ZNF345: variants seen among roughly 807,000 people sequenced by gnomAD.
ZNF345 encodes the protein zinc finger protein HZF10.
For synonymous variants in ZNF345, 166 were observed against 187.9 expected (o/e 0.88, Z 0.95); for missense variants, 527 against 589.9 (o/e 0.89, Z 1.10).
Position 36,858,597 on chromosome 19 carries a change from T to C in ZNF345, c.-47+6693T>C, listed in dbSNP as rs186677739. On this transcript the variant is annotated intron_variant, in intron 2 of 2. Transcript: ENST00000420450. ...GCCTGGCCAACATGGTGAAACCCCG[T>C]CTCTACCAAAAATAGAAAAATTAGC... 2.2e-3 allele frequency among the ~76,000 whole-genome samples: 331 copies of C among 152,034 alleles called. 2 individuals carry two copies. The highest frequency in any genetic ancestry group is 7.8e-3 in the African/African-American group (322 of 41,476).
chr19:36,873,353 A>AT (rs2072808348), intron 2 of ZNF345, among the ~76,000 whole-genome samples: 1 of 151,898 alleles, frequency 6.6e-6, no homozygotes, highest in Non-Finnish European at 1.5e-5. Context: ...ATATTTGCCT[A>AT]TTTTTTGTTT....
chr19:36,852,107 T>C (rs2072281706), intron 2 of ZNF345, among the ~76,000 whole-genome samples: 1 of 149,808 alleles, frequency 6.7e-6, no homozygotes, highest in Non-Finnish European at 1.5e-5. Flanking sequence ...ATTTTTCTTT[T>C]TCTTTTTTTT....
At position 36,871,433 on chromosome 19, in the gene ZNF345, T is replaced by A. The variant is rs577050898; in HGVS notation, c.-46-5352T>A. On this transcript the variant is annotated intron_variant, in intron 2 of 2. Coordinates refer to ENST00000420450, the MANE Select transcript of ZNF345 (RefSeq NM_001242472.2). ...TATTAATACACACACATACACTTTT[T>A]TTTGTGAGTCATTTGAAAATATGTT... 2.0e-5 allele frequency among the ~76,000 whole-genome samples: 3 copies of A among 152,340 alleles called. No homozygotes were observed. The East Asian group carries it at 5.8e-4, about 29-fold the overall frequency.
At chr19:36,859,151 GT>G (rs200899490) in intron 2 of ZNF345, among the ~76,000 whole-genome samples, 24 of 147,528 alleles carry the variant, frequency 1.6e-4, no homozygotes, top group Middle Eastern at 3.5e-3. Flanking sequence ...CTTTTTTATG[GT>G]TTTTTTTTTG....
At position 36,877,127 on chromosome 19, in the gene ZNF345, T is replaced by G; in HGVS notation, c.297T>G (p.Phe99Leu). Reference protein sequence around the residue: ...PYECKECGKAFGSGANLAYHQ... With the variant: ...PYECKECGKALGSGANLAYHQ... Reference sequence around the variant, plus strand: ...AATGCAAAGAATGTGGCAAGGCCTTTGGTAGTGGTGCAAACCTTGCTTACC... The same window carrying G: ...AATGCAAAGAATGTGGCAAGGCCTTGGGTAGTGGTGCAAACCTTGCTTACC... Residue 99 changes from phenylalanine to leucine, a missense_variant, in exon 3 of 3, where the codon TTT becomes TTG. By Grantham distance (22) the Phe-to-Leu change is conservative. Coordinates refer to ENST00000420450, the MANE Select transcript of ZNF345 (RefSeq NM_001242472.2). 1 of 1,614,128 alleles carries G rather than the reference T, an allele frequency of 6.2e-7. No individual in the cohort carries two copies. The highest frequency in any genetic ancestry group is 8.5e-7 in the Non-Finnish European group (1 of 1,180,012).
chr19:36,866,092 T>C (rs1184505571), intron 2 of ZNF345, among the ~76,000 whole-genome samples: 1 of 152,214 alleles, frequency 6.6e-6, no homozygotes, highest in Non-Finnish European at 1.5e-5. Context: ...TGTGTGTTCA[T>C]AAATTATATT....
intron 2 of ZNF345, among the ~76,000 whole-genome samples, chr19:36,860,238 T>C (rs1248230386): frequency 6.6e-6 from 1 of 152,200 alleles, no homozygotes; most frequent in South Asian, 2.1e-4. Flanking sequence ...ATTACAGGCA[T>C]GAGCCACCGC....
At chr19:36,861,681 C>A (rs2072550185) in intron 2 of ZNF345, among the ~76,000 whole-genome samples, 1 of 151,882 alleles carries the variant, frequency 6.6e-6, no homozygotes, top group Non-Finnish European at 1.5e-5. Flanking sequence ...TTGCCTGAGC[C>A]TCCCAAGTAG....
At chr19:36,861,445 C>G (rs2072544878) in intron 2 of ZNF345, among the ~76,000 whole-genome samples, 1 of 152,174 alleles carries the variant, frequency 6.6e-6, no homozygotes, top group South Asian at 2.1e-4. Context: ...CGAATTTGTT[C>G]AAGTCTAGAA....
chr19:36,858,250 TG>T (rs1267966408), intron 2 of ZNF345: 3 of 152,936 alleles, frequency 2.0e-5, no homozygotes, highest in Admixed American at 1.3e-4. Context: ...AGCAAAGCAG[TG>T]AGAATGGAGA....
chr19:36,859,026 T>C (rs2072485893), intron 2 of ZNF345, among the ~76,000 whole-genome samples: 1 of 151,962 alleles, frequency 6.6e-6, no homozygotes, highest in South Asian at 2.1e-4. Context: ...AGTGGTGTCT[T>C]GTGGGAGAGA....
At chr19:36,881,065 T>A (rs939507842), downstream of ZNF345, among the ~76,000 whole-genome samples, 2 of 152,172 alleles carry the variant, frequency 1.3e-5, no homozygotes, top group African/African-American at 4.8e-5. Flanking sequence ...CCTAATGTTT[T>A]GAAAACAAAA....
In ZNF345 at chr19:36,877,394, C is replaced by T. The variant is rs762648986; in HGVS notation, c.564C>T (p.Ala188=). 174 of 1,613,024 alleles carry T rather than the reference C, an allele frequency of 1.1e-4. No individual in the cohort carries two copies. In the Admixed American group the frequency reaches 2.6e-3, roughly 24 times the overall value. Residue 188 remains alanine, a synonymous_variant, in exon 3 of 3, where the codon GCC becomes GCT. Coordinates refer to ENST00000420450, the MANE Select transcript of ZNF345 (RefSeq NM_001242472.2). ...ECGKSFSFES[A]LIRHHRIHTG... ...GGAAGTCCTTTAGTTTTGAATCAGCCCTTATTCGGCATCACAGAATTCACA... is the reference window on the plus strand; with the variant it reads ...GGAAGTCCTTTAGTTTTGAATCAGCTCTTATTCGGCATCACAGAATTCACA...
intron 2 of ZNF345, among the ~76,000 whole-genome samples, chr19:36,854,832 T>C (rs191180896): frequency 8.8e-4 from 133 of 151,962 alleles, no homozygotes; most frequent in Non-Finnish European, 1.3e-3. Flanking sequence ...TTCTCACTTA[T>C]CAGATTTCTT....
At chr19:36,861,424 C>T (rs1303494595) in intron 2 of ZNF345, among the ~76,000 whole-genome samples, 1 of 152,198 alleles carries the variant, frequency 6.6e-6, no homozygotes, top group Non-Finnish European at 1.5e-5. Flanking sequence ...CCATTATCCT[C>T]ATTAGATTTA....
At position 36,877,922 on chromosome 19, in the gene ZNF345, T is replaced by C; in HGVS notation, c.1092T>C (p.His364=). 1.2e-6 allele frequency: 2 copies of C among 1,614,048 alleles called. No individual in the cohort carries two copies. Among genetic ancestry groups the C allele is most frequent in the Non-Finnish European group, 1.7e-6 (2 of 1,179,978 alleles). ...ACCTTACTCAACATCACAGAATTCA[T>C]ACTGGTGAGAAACCCTATGAATGTA... The part of the protein sequence containing the change: ...GSDLTQHHRI[H]TGEKPYECKE... Residue 364 remains histidine, a synonymous_variant, in exon 3 of 3, where the codon CAT becomes CAC. Transcript: ENST00000420450.
chr19:36,890,686 C>CAAAAAAAAA (rs71171475), intron 3 of ZNF345: 4 of 84,054 alleles, frequency 4.8e-5, no homozygotes, highest in Admixed American at 1.2e-4. Flanking sequence ...ACTAAAAATA[C>CAAAAAAAAA]AAAAAAAAAA....
At chr19:36,853,996 A>G (rs2072347316) in intron 2 of ZNF345, among the ~76,000 whole-genome samples, 1 of 152,158 alleles carries the variant, frequency 6.6e-6, no homozygotes, top group South Asian at 2.1e-4. Flanking sequence ...AAACTCTTCT[A>G]CACTTGATCT....
intron 2 of ZNF345, among the ~76,000 whole-genome samples, chr19:36,872,210 G>T (rs1283505070): frequency 6.6e-6 from 1 of 152,188 alleles, no homozygotes; most frequent in Non-Finnish European, 1.5e-5. Flanking sequence ...ATACCACATA[G>T]GTGGTATGAT....
Sources: allele counts gnomAD v4.1 joint callset (sites outside exome capture counted in the v4.1 genomes callset), GRCh38; gene constraint gnomAD v4.1.1; transcripts MANE v1.5; gene names NCBI Gene and HGNC (gene_info 2026-07-23, HGNC 2026-07-21).